The following PXMP2 variants were observed in gnomAD, a reference collection of about 807,000 sequenced individuals.
PXMP2 encodes the protein 22 kDa peroxisomal membrane protein.
In PXMP2, 13 loss-of-function variants were observed where a neutral mutation model predicts 20.2. The observed-to-expected ratio is 0.64, with a 90% confidence interval of 0.42 to 1.02. The LOEUF (loss-of-function observed/expected upper bound fraction) is 1.02. PXMP2 is among the 50% of genes least tolerant of loss of function. The pLI, the probability that PXMP2 is intolerant of heterozygous loss-of-function variation, is 0.00. For missense variants in PXMP2, 284 were observed against 251.8 expected, an observed-to-expected ratio of 1.13 and a Z score of -0.87; for synonymous variants, 113 against 111.2, an observed-to-expected ratio of 1.02 and a Z score of -0.10.
intron 4 of PXMP2, 128 bp downstream of exon 4, chr12:132,701,497 T>G: frequency 7.7e-7 from 1 of 1,294,638 alleles, no homozygotes; most frequent in South Asian, 1.5e-5. Context: ...TTGGTAGTTT[T>G]CCGCTAGACT....
In PXMP2 at chr12:132,696,812, C is replaced by T. The variant is rs1169530270; in HGVS notation, c.399+766C>T. Among the ~76,000 whole-genome samples, 1 of 150,158 alleles carries T rather than the reference C, an allele frequency of 6.7e-6. No individual in the cohort carries two copies. Among genetic ancestry groups the T allele is most frequent in the Non-Finnish European group, 1.5e-5 (1 of 67,402 alleles). On this transcript the variant is annotated intron_variant, in intron 3 of 4. Transcript: ENST00000317479. The surrounding 1 kb of genome is among the most constrained non-coding windows in gnomAD (Gnocchi z 4.4). Reference sequence around the variant, plus strand: ...CAGACTCCGTCTCAAAAACAAAAAACAAAACAAAACAAATTAGCCAGGTAT... The same window carrying T: ...CAGACTCCGTCTCAAAAACAAAAAATAAAACAAAACAAATTAGCCAGGTAT...
In PXMP2 at chr12:132,689,304, C is replaced by A. The variant is rs185737517; in HGVS notation, c.123-959C>A. Among the ~76,000 whole-genome samples, 8 of 147,818 alleles carry A rather than the reference C, an allele frequency of 5.4e-5. No homozygotes were observed. In the South Asian group the frequency reaches 1.5e-3, roughly 28 times the overall value. On this transcript the variant is annotated intron_variant, in intron 1 of 4. Coordinates refer to ENST00000317479, the MANE Select transcript of PXMP2 (RefSeq NM_018663.3). ...CGAGTCTGCGGGGCGCGGGTCCGCA[C>A]GGCGCGGGTGGAGACACGGCCAGGG... is the stretch of plus-strand genomic sequence containing the variant.
chr12:132,695,739 C>T (rs1440032010), intron 2 of PXMP2, 145 bp from the exon 3 acceptor site: 4 of 715,012 alleles, frequency 5.6e-6, no homozygotes, highest in Non-Finnish European at 8.2e-6. Context: ...CCCCTGAAGC[C>T]GACTTATCTG....
chr12:132,701,730 A>C (rs1262559987), intron 4 of PXMP2: 1 of 277,940 alleles, frequency 3.6e-6, no homozygotes, highest in African/African-American at 2.3e-5. Flanking sequence ...ATGTACATGC[A>C]GGCAACTTGA....
intron 3 of PXMP2, among the ~76,000 whole-genome samples, chr12:132,699,281 G>A (rs2043425909): frequency 6.6e-6 from 1 of 152,088 alleles, no homozygotes; most frequent in Non-Finnish European, 1.5e-5. Context: ...AAGGGTTGTG[G>A]TGGCACATGG....
chr12:132,701,914 A>AC (rs1263844565), intron 4 of PXMP2, among the ~76,000 whole-genome samples: 1 of 152,070 alleles, frequency 6.6e-6, no homozygotes. Context: ...ACATAGCGAA[A>AC]CCCCATCTCT....
chr12:132,690,558 C>T (rs551595807), intron 2 of PXMP2, among the ~76,000 whole-genome samples, 182 bp downstream of exon 2: 3 of 140,410 alleles, frequency 2.1e-5, no homozygotes, highest in South Asian at 2.3e-4. Context: ...TATACGCATA[C>T]GTGGTTTTTT....
Position 132,687,687 on chromosome 12 carries a change from C to T in PXMP2, c.17C>T (p.Ser6Phe). The T allele has an allele frequency of 1.7e-6, 2 of 1,180,626 alleles. No homozygotes were observed. The highest frequency in any genetic ancestry group is 2.1e-6 in the Non-Finnish European group (2 of 960,010). The allele number at this position is 1,180,626 out of a possible 1,614,324, so 73.1% of individuals were successfully genotyped here. A position where few individuals can be genotyped will look rare whatever the true frequency, so the allele number is the denominator to read the frequency against. The change falls in exon 1 of 5, where the codon TCC (serine) becomes TTC (phenylalanine). Residue 6 changes from serine to phenylalanine, a missense_variant. By Grantham distance (155) the Ser-to-Phe change is radical. Coordinates refer to ENST00000317479, the MANE Select transcript of PXMP2 (RefSeq NM_018663.3). ...GGGGAGGCGATGGCGCCGGCCGCGT[C>T]CAGGCTGCGGGCCGAAGCCGGGCTC... is the stretch of plus-strand genomic sequence containing the variant. MAPAA[S>F]RLRAEAGLGA...
rs370505382 is a variant in PXMP2, at chr12:132,701,290, G to A, written c.440G>A (p.Gly147Asp). 19 of 1,612,704 alleles carry A rather than the reference G, an allele frequency of 1.2e-5. No individual in the cohort carries two copies. In the African/African-American group the frequency reaches 1.6e-4, roughly 14 times the overall value. ...ASAFAAKMRG[G>D]FWPALRMNWR... ...GCCTTCGCCGCCAAGATGAGGGGGG[G>A]CTTCTGGCCGGCGCTGAGGATGAAC... is the stretch of plus-strand genomic sequence containing the variant. The change falls in exon 4 of 5, where the codon GGC becomes GAC. Residue 147 changes from glycine (G) to aspartate (D), a missense_variant. Gly to Asp is a moderately conservative substitution (Grantham distance 94). Transcript: ENST00000317479.
Position 132,692,863 on chromosome 12 carries a change from T to A in PXMP2, c.236+2487T>A, listed in dbSNP as rs1167912847. ...GTTAGTGAGCTCCCTTGCCAGTTAG[T>A]TAGTGAGCTCCCTTGCCAGTTAGTT... On this transcript the variant is annotated intron_variant, in intron 2 of 4. Coordinates refer to ENST00000317479, the MANE Select transcript of PXMP2 (RefSeq NM_018663.3). 1.9e-5 allele frequency among the ~76,000 whole-genome samples: 2 copies of A among 103,862 alleles called. 1 individual carries two copies. The highest frequency in any genetic ancestry group is 4.4e-5 in the Non-Finnish European group (2 of 45,574). The allele number at this position is 103,862 out of a possible 152,430, so 68.1% of individuals were successfully genotyped here.
chr12:132,694,545 G>T (rs1423186705), intron 2 of PXMP2, among the ~76,000 whole-genome samples: 35 of 87,754 alleles, frequency 4.0e-4, no homozygotes, highest in African/African-American at 1.4e-3. Context: ...GATAGTGAGC[G>T]CCCTTGCCAG....
At chr12:132,701,134 C>A in intron 3 of PXMP2, 116 bp from the exon 4 acceptor site, 1 of 1,424,220 alleles carries the variant, frequency 7.0e-7, no homozygotes, top group Non-Finnish European at 9.7e-7. Context: ...TGTCTGCGTA[C>A]ACACAGAACA....
chr12:132,699,548 T>TTTTG (rs60421428), intron 3 of PXMP2, among the ~76,000 whole-genome samples: 1 of 107,460 alleles, frequency 9.3e-6, no homozygotes, highest in African/African-American at 3.2e-5. Flanking sequence ...TTTTTTTTTT[T>TTTTG]GACACAGAGT....
Position 132,704,715 on chromosome 12 carries a change from T to C in PXMP2, c.*28T>C, listed in dbSNP as rs184519832. On this transcript the variant is annotated 3_prime_UTR_variant, in exon 5 of 5. Transcript: ENST00000317479. ...ACCGCTGGGAGAACATCAGGTGCACTGTGGACGTGGGTCTGGGGGTCTCAC... is the reference window on the plus strand; with the variant it reads ...ACCGCTGGGAGAACATCAGGTGCACCGTGGACGTGGGTCTGGGGGTCTCAC... The C allele has an allele frequency of 4.5e-5, 72 of 1,588,960 alleles. No individual in the cohort carries two copies. In the Admixed American group the frequency reaches 9.4e-4, roughly 21 times the overall value.
In PXMP2 at chr12:132,687,695, C is replaced by A; in HGVS notation, c.25C>A (p.Arg9=). ...GATGGCGCCGGCCGCGTCCAGGCTG[C>A]GGGCCGAAGCCGGGCTCGGGGCGCT... The part of the protein sequence containing the change: MAPAASRL[R]AEAGLGALPR... Residue 9 remains arginine, a synonymous_variant, in exon 1 of 5, where the codon CGG becomes AGG. Transcript: ENST00000317479. 8.4e-7 allele frequency: 1 copy of A among 1,186,956 alleles called. No homozygotes were observed. The highest frequency in any genetic ancestry group is 1.0e-6 in the Non-Finnish European group (1 of 962,926). The allele number at this position is 1,186,956 out of a possible 1,614,324, so 73.5% of individuals were successfully genotyped here. A position where few individuals can be genotyped will look rare whatever the true frequency, so the allele number is the denominator to read the frequency against.
rs759771808 is a variant in PXMP2, at chr12:132,701,380, C to T, written c.519+11C>T. On this transcript the variant is annotated intron_variant, in intron 4 of 4. Coordinates refer to ENST00000317479, the MANE Select transcript of PXMP2 (RefSeq NM_018663.3). ...TACGTCCCTCTGAAGGTGAGGGCCA[C>T]GGGGCTCAGCCTCTGCTAACATTAC... 36 of 1,611,696 alleles carry T rather than the reference C, an allele frequency of 2.2e-5. No homozygotes were observed. The highest frequency in any genetic ancestry group is 3.3e-5 in the Admixed American group (2 of 59,990).
Position 132,687,766 on chromosome 12 carries a change from C to T in PXMP2, c.96C>T (p.Tyr32=). 8.4e-7 allele frequency: 1 copy of T among 1,197,286 alleles called. No individual in the cohort carries two copies. The highest frequency in any genetic ancestry group is 3.1e-5 in the South Asian group (1 of 31,916). The allele number at this position is 1,197,286 out of a possible 1,614,324, so 74.2% of individuals were successfully genotyped here. The change falls in exon 1 of 5, where the codon TAC becomes TAT. Residue 32 remains tyrosine, a synonymous_variant. Coordinates refer to ENST00000317479, the MANE Select transcript of PXMP2 (RefSeq NM_018663.3). The part of the protein sequence containing the change: ...LAQYLLFLRL[Y]PVLTKAATSG... ...AGTACCTGCTCTTCCTGCGGCTCTA[C>T]CCGGTGCTCACCAAGGCGGCCACCA...
Position 132,704,613 on chromosome 12 carries a change from C to A in PXMP2, c.520-6C>A. On this transcript the variant is annotated splice_region_variant and splice_polypyrimidine_tract_variant and intron_variant, in intron 4 of 4. Transcript: ENST00000317479. Reference sequence around the variant, plus strand: ...CCGTGGCCTGTTGGACTGTTCTTTTCGGCAGTTCCGGGTGCTCTTCGCCAA... The same window carrying A: ...CCGTGGCCTGTTGGACTGTTCTTTTAGGCAGTTCCGGGTGCTCTTCGCCAA... The A allele has an allele frequency of 7.0e-7, 1 of 1,436,470 alleles. No homozygotes were observed. 89.0% of individuals were successfully genotyped at this position (1,436,470 alleles called of 1,614,324 possible). A position where few individuals can be genotyped will look rare whatever the true frequency, so the allele number is the denominator to read the frequency against.
rs1321167422 is a variant in PXMP2 at position 132,696,759 on chromosome 12, C to CA, written c.399+714dup. On this transcript the variant is annotated intron_variant, in intron 3 of 4. Coordinates refer to ENST00000317479, the MANE Select transcript of PXMP2 (RefSeq NM_018663.3). This position sits in a 1 kb window ranked among gnomAD's most constrained non-coding sequence, Gnocchi z 4.4. ...AGCTTGCCGTGAGCCGAGATGTCGC[C>CA]ACTGCACTCTAGCCTGGGTAATAGA... is the stretch of plus-strand genomic sequence containing the variant. 6.6e-6 allele frequency among the ~76,000 whole-genome samples: 1 copy of CA among 152,094 alleles called. No homozygotes were observed. Among genetic ancestry groups the CA allele is most frequent in the African/African-American group, 2.4e-5 (1 of 41,422 alleles).
Sources: gnomAD v4.1 joint callset for allele counts (sites outside exome capture counted in the v4.1 genomes callset) on GRCh38, gnomAD v4.1.1 for gene constraint, Gnocchi (gnomAD v3.1) non-coding constraint, MANE v1.5 for transcripts, NCBI Gene and HGNC (gene_info 2026-07-23, HGNC 2026-07-21) for gene names.